Variants in LARGE1 observed in about 807,000 individuals in gnomAD.
LARGE1 encodes the protein xylosyl- and glucuronyltransferase LARGE1.
In LARGE1, 43 loss-of-function variants were observed where a neutral mutation model predicts 87.6. The ratio of observed to expected loss-of-function variants is 0.49; its 90% confidence interval spans 0.38 to 0.63. The LOEUF is 0.63. Among genes scored for constraint, LARGE1 ranks in the 30% least tolerant of loss-of-function variants. The pLI, the probability that LARGE1 is intolerant of heterozygous loss-of-function variation, is 0.00. For missense variants in LARGE1, 802 were observed against 1,000.2 expected (o/e 0.80, Z 2.67); for synonymous variants, 434 against 394.6 (o/e 1.10, Z -1.18).
intron 10 of LARGE1, among the ~76,000 whole-genome samples, chr22:33,336,011 A>G (rs925073954): frequency 1.3e-5 from 2 of 152,254 alleles, no homozygotes; most frequent in African/African-American, 4.8e-5. Context: ...AGTGTGCAGA[A>G]TAAGTAGAAG....
chr22:33,626,491 T>C (rs2079927129), intron 3 of LARGE1, among the ~76,000 whole-genome samples, 165 bp from the exon 4 acceptor site: 2 of 152,200 alleles, frequency 1.3e-5, no homozygotes, highest in South Asian at 4.1e-4. Flanking sequence ...GACAGTTTTA[T>C]TAAGGCCTTT....
intron 7 of LARGE1, among the ~76,000 whole-genome samples, chr22:33,406,425 G>A (rs1331359938): frequency 6.6e-6 from 1 of 152,112 alleles, no homozygotes; most frequent in Non-Finnish European, 1.5e-5. Context: ...TCCGTCTTGA[G>A]AGCTTGCAGG....
intron 1 of LARGE1, among the ~76,000 whole-genome samples, 153 bp from the exon 2 acceptor site, chr22:33,761,711 G>A (rs1478123923): frequency 1.3e-5 from 2 of 152,024 alleles, no homozygotes; most frequent in East Asian, 1.9e-4. Context: ...CTGCCGTCTC[G>A]CAGTCTTCAA....
At chr22:33,431,304 A>C (rs963141069) in intron 7 of LARGE1, among the ~76,000 whole-genome samples, 1 of 152,204 alleles carries the variant, frequency 6.6e-6, no homozygotes, top group Non-Finnish European at 1.5e-5. Flanking sequence ...TAAGCATTCA[A>C]GGGACAGCTG....
At chr22:33,532,671 A>G (rs2076933849) in intron 6 of LARGE1, among the ~76,000 whole-genome samples, 1 of 152,218 alleles carries the variant, frequency 6.6e-6, no homozygotes, top group Admixed American at 6.5e-5. Context: ...TTAAAGTTTT[A>G]GGCTTCTTGG....
chr22:33,820,703 T>C (rs1459803043), intron 1 of LARGE1, among the ~76,000 whole-genome samples: 1 of 152,180 alleles, frequency 6.6e-6, no homozygotes, highest in Non-Finnish European at 1.5e-5. Flanking sequence ...AGCAATTATA[T>C]TGCCAGGCCC....
At chr22:33,444,463 C>T (rs890108167) in intron 6 of LARGE1, among the ~76,000 whole-genome samples, 3 of 152,054 alleles carry the variant, frequency 2.0e-5, no homozygotes, top group African/African-American at 7.2e-5. Context: ...ATGATCTCGG[C>T]TCACTCAGAA....
At chr22:33,102,715 T>C in the LARGE1 span, among the ~76,000 whole-genome samples, 2 of 152,142 alleles carry the variant, frequency 1.3e-5, no homozygotes, top group Admixed American at 6.5e-5. Flanking sequence ...AGTCTTGAAC[T>C]CCTGACCTCA....
chr22:33,463,609 C>T (rs1228928034), intron 6 of LARGE1, among the ~76,000 whole-genome samples: 1 of 152,132 alleles, frequency 6.6e-6, no homozygotes, highest in Non-Finnish European at 1.5e-5. Context: ...AGGTAAAGAA[C>T]TTGACAAACT....
Position 33,364,057 on chromosome 22 carries a change from A to G in LARGE1, c.1131+17862T>C, listed in dbSNP as rs949315630. Among the ~76,000 whole-genome samples the G allele has an allele frequency of 1.9e-4, 23 of 120,354 alleles. 2 individuals carry two copies. Among genetic ancestry groups the G allele is most frequent in the Admixed American group, 1.7e-3 (21 of 12,640 alleles). The allele number at this position is 120,354 out of a possible 152,430, so 79.0% of individuals were successfully genotyped here. The stretch of plus-strand genomic sequence containing the variant: ...CCTGGTCAAAGTGCATCTTTGCTAT[A>G]TATTTTTTTTTTTTTGAGACGGAGT... On this transcript the variant is annotated intron_variant, in intron 9 of 14. Transcript: ENST00000397394.
the LARGE1 span, among the ~76,000 whole-genome samples, chr22:33,113,653 C>T: frequency 6.6e-6 from 1 of 152,328 alleles, no homozygotes; most frequent in Non-Finnish European, 1.5e-5. Flanking sequence ...GTTACTTAAT[C>T]TCCCTATGCC....
At chr22:33,115,696 T>C in the LARGE1 span, among the ~76,000 whole-genome samples, 1 of 151,366 alleles carries the variant, frequency 6.6e-6, no homozygotes, top group Admixed American at 6.6e-5. Flanking sequence ...CACACACCTG[T>C]AGTCCCAGCT....
chr22:33,322,288 C>A (rs1278027782), intron 10 of LARGE1, among the ~76,000 whole-genome samples: 4 of 152,190 alleles, frequency 2.6e-5, no homozygotes, highest in Non-Finnish European at 5.9e-5. Flanking sequence ...CTAGCAATAT[C>A]CAGGTTCTAT....
chr22:33,431,050 T>C (rs1409781019), intron 7 of LARGE1, among the ~76,000 whole-genome samples: 1 of 152,256 alleles, frequency 6.6e-6, no homozygotes, highest in East Asian at 1.9e-4. Flanking sequence ...CCCATCCTAC[T>C]GTTCCCTGAG....
At chr22:33,358,169 T>A (rs1941074507) in intron 9 of LARGE1, among the ~76,000 whole-genome samples, 1 of 152,118 alleles carries the variant, frequency 6.6e-6, no homozygotes, top group African/African-American at 2.4e-5. Context: ...AAAGAGATCA[T>A]AAAACACTGA....
At chr22:33,613,247 A>C (rs909038454) in intron 4 of LARGE1, among the ~76,000 whole-genome samples, 3 of 152,198 alleles carry the variant, frequency 2.0e-5, no homozygotes, top group Non-Finnish European at 4.4e-5. Flanking sequence ...TTTGGGTACC[A>C]TCATAAGAAT....
exon 12 of LARGE1, chr22:33,166,743 G>C (rs181193051): frequency 2.1e-6 from 1 of 471,334 alleles, no homozygotes; most frequent in East Asian, 6.9e-5. Context: ...CCTCGAGAAG[G>C]AAGCCAACGC....
In LARGE1 at chr22:33,661,505, G is replaced by A. The variant is rs200040225; in HGVS notation, c.107-10837C>T. 1.2e-3 allele frequency among the ~76,000 whole-genome samples: 178 copies of A among 151,336 alleles called. 1 individual carries two copies. The highest frequency in any genetic ancestry group is 4.1e-3 in the African/African-American group (169 of 40,902). On this transcript the variant is annotated intron_variant, in intron 2 of 14. Coordinates refer to ENST00000397394, the MANE Select transcript of LARGE1 (RefSeq NM_133642.5). ...GCTGGGATTACAGATGTGAGCTTCC[G>A]CACCTGGCATTTCTGTGATTTTTTT... is the stretch of plus-strand genomic sequence containing the variant.
At chr22:33,777,966 C>G (rs977231173) in intron 1 of LARGE1, among the ~76,000 whole-genome samples, 2 of 152,186 alleles carry the variant, frequency 1.3e-5, no homozygotes, top group African/African-American at 4.8e-5. Context: ...GGGGATAAAC[C>G]ATGACTGGTC....
Sources: allele counts gnomAD v4.1 joint callset (sites outside exome capture counted in the v4.1 genomes callset), GRCh38; gene constraint gnomAD v4.1.1; transcripts MANE v1.5; gene names NCBI Gene and HGNC (gene_info 2026-07-23, HGNC 2026-07-21).